LRP11: variants seen among roughly 807,000 people sequenced by gnomAD.
LRP11 encodes LDL receptor related protein 11.
LRP11 carries 25 observed loss-of-function variants against 43.1 expected under a neutral mutation model. That is an observed-to-expected ratio of 0.58 (90% confidence interval 0.42 to 0.81). The LOEUF is 0.81. LRP11 is among the 30% of genes least tolerant of loss of function. LRP11 has a pLI of 0.00. For missense variants in LRP11, 623 were observed against 665.1 expected (o/e 0.94, Z 0.70); for synonymous variants, 316 against 299.4 (o/e 1.06, Z -0.57).
At chr6:149,862,577 CTTTT>C (rs10553273) in intron 1 of LRP11, among the ~76,000 whole-genome samples, 2 of 126,200 alleles carry the variant, frequency 1.6e-5, no homozygotes, top group South Asian at 2.5e-4. Context: ...TTTTCTTTTC[CTTTT>C]TTTTTTTTTT....
In LRP11 at chr6:149,819,733, T is replaced by C. The variant is rs1261729669; in HGVS notation, c.*816A>G. 2.0e-5 allele frequency: 3 copies of C among 152,214 alleles called. No individual in the cohort carries two copies. The highest frequency in any genetic ancestry group is 4.4e-5 in the Non-Finnish European group (3 of 68,032). The allele number at this position is 152,214 out of a possible 1,614,324, so 9.4% of individuals were successfully genotyped here. A position where few individuals can be genotyped will look rare whatever the true frequency, so the allele number is the denominator to read the frequency against. ...TAAATGAGTTGCTGTGCTCTCACCA[T>C]GGAGCAGTGTTGATTTGATGTAATG... is the stretch of plus-strand genomic sequence containing the variant. On this transcript the variant is annotated 3_prime_UTR_variant, in exon 7 of 7. Transcript: ENST00000239367.
chr6:149,829,852 C>T (rs991378834), intron 5 of LRP11, among the ~76,000 whole-genome samples: 6 of 152,030 alleles, frequency 3.9e-5, no homozygotes, highest in Admixed American at 2.0e-4. Context: ...ATACACTTGG[C>T]GCTCTCTTAC....
In LRP11 at chr6:149,827,685, T is replaced by C. The variant is rs1418274380; in HGVS notation, c.1253-1326A>G. ...GATTTCCCTGCAAAAAGAGTTCTGT[T>C]ACTGTCCAACTCACTGCAGTAGCCA... On this transcript the variant is annotated intron_variant, in intron 5 of 6. Coordinates refer to ENST00000239367, the MANE Select transcript of LRP11 (RefSeq NM_032832.6). This position sits in a 1 kb window ranked among gnomAD's most constrained non-coding sequence, Gnocchi z 4.2. Among the ~76,000 whole-genome samples the C allele has an allele frequency of 6.6e-6, 1 of 152,222 alleles. No homozygotes were observed. Among genetic ancestry groups the C allele is most frequent in the Non-Finnish European group, 1.5e-5 (1 of 68,032 alleles).
chr6:149,837,427 CAGA>C lies in LRP11; in HGVS notation c.947_949del (p.Phe316del), dbSNP rs1251243676. ...GATGTCAATGCAGCAGCCATCGTCA[CAGA>C]AGAAGTGGTAGCGTGAGCAAGTGTG... On this transcript the variant is annotated inframe_deletion, in exon 4 of 7. Coordinates refer to ENST00000239367, the MANE Select transcript of LRP11 (RefSeq NM_032832.6). 3.1e-6 allele frequency: 5 copies of C among 1,614,160 alleles called. No individual in the cohort carries two copies. The highest frequency in any genetic ancestry group is 2.5e-6 in the Non-Finnish European group (3 of 1,180,024).
intron 2 of LRP11, among the ~76,000 whole-genome samples, chr6:149,843,468 T>G (rs1222447692): frequency 6.6e-6 from 1 of 152,044 alleles, no homozygotes; most frequent in African/African-American, 2.4e-5. Flanking sequence ...ATCAGGACCA[T>G]GACTAGGGCT....
In LRP11 at chr6:149,863,881, T is replaced by G; in HGVS notation, c.140A>C (p.Glu47Ala). ...AALPPAAPLS[E>A]LHAQLSGVEQ... is the part of the protein sequence containing the mutation. Reference sequence around the variant, plus strand: ...CACGCCCGACAGCTGCGCGTGCAGTTCGGACAGCGGCGCCGCGGGCGGCAA... The same window carrying G: ...CACGCCCGACAGCTGCGCGTGCAGTGCGGACAGCGGCGCCGCGGGCGGCAA... The change falls in exon 1 of 7, where the codon GAA (glutamate) becomes GCA (alanine). Residue 47 changes from glutamate to alanine, a missense_variant. Physicochemically the swap from Glu to Ala is moderately radical, Grantham distance 107. Coordinates refer to ENST00000239367, the MANE Select transcript of LRP11 (RefSeq NM_032832.6). The G allele has an allele frequency of 6.7e-7, 1 of 1,496,652 alleles. No individual in the cohort carries two copies. Among genetic ancestry groups the G allele is most frequent in the Non-Finnish European group, 8.8e-7 (1 of 1,131,392 alleles). 92.7% of individuals were successfully genotyped at this position (1,496,652 alleles called of 1,614,324 possible). A position where few individuals can be genotyped will look rare whatever the true frequency, so the allele number is the denominator to read the frequency against.
At chr6:149,830,872 C>T (rs1214133090) in intron 5 of LRP11, among the ~76,000 whole-genome samples, 2 of 152,222 alleles carry the variant, frequency 1.3e-5, no homozygotes, top group Non-Finnish European at 2.9e-5. Flanking sequence ...GAACCTGGCC[C>T]TGCCTTCTGG....
chr6:149,852,864 G>C, intron 2 of LRP11, 139 bp downstream of exon 2: 1 of 619,138 alleles, frequency 1.6e-6, no homozygotes, highest in Non-Finnish European at 2.5e-6. Flanking sequence ...AACCATTTTG[G>C]CATAATCAGT....
intron 2 of LRP11, among the ~76,000 whole-genome samples, chr6:149,850,004 G>C (rs941076878): frequency 1.3e-5 from 2 of 152,144 alleles, no homozygotes; most frequent in African/African-American, 4.8e-5. Context: ...GACAGCAAGG[G>C]TGAGGAGCCC....
chr6:149,854,256 G>C (rs923125359), intron 1 of LRP11, among the ~76,000 whole-genome samples: 59 of 152,134 alleles, frequency 3.9e-4, no homozygotes, highest in African/African-American at 1.4e-3. Flanking sequence ...GAGTAGTTAG[G>C]ACTGCAGGTG....
rs2115374417 is a variant in LRP11 at position 149,827,250 on chromosome 6, C to A, written c.1253-891G>T. Among the ~76,000 whole-genome samples, 1 of 152,182 alleles carries A rather than the reference C, an allele frequency of 6.6e-6. No individual in the cohort carries two copies. Among genetic ancestry groups the A allele is most frequent in the East Asian group, 1.9e-4 (1 of 5,186 alleles). ...GACAGGCGTGAGCCACCATGCCCAG[C>A]CTTAAGTGGGATTTTTGAGTATTAC... On this transcript the variant is annotated intron_variant, in intron 5 of 6. Coordinates refer to ENST00000239367, the MANE Select transcript of LRP11 (RefSeq NM_032832.6). This position sits in a 1 kb window ranked among gnomAD's most constrained non-coding sequence, Gnocchi z 4.2.
intron 2 of LRP11, among the ~76,000 whole-genome samples, chr6:149,843,547 G>A (rs1319022959): frequency 6.6e-6 from 1 of 152,140 alleles, no homozygotes; most frequent in East Asian, 1.9e-4. Flanking sequence ...CCAGCAGGGA[G>A]AAGCTGTCCC....
intron 1 of LRP11, among the ~76,000 whole-genome samples, chr6:149,858,214 G>A (rs971121502): frequency 2.6e-4 from 39 of 152,124 alleles, no homozygotes; most frequent in Admixed American, 2.4e-3. Context: ...CCCCCACCCC[G>A]ACAGGCCCTG....
At chr6:149,831,234 TC>T (rs1275803997) in intron 5 of LRP11, among the ~76,000 whole-genome samples, 2 of 152,224 alleles carry the variant, frequency 1.3e-5, no homozygotes, top group East Asian at 3.8e-4. Flanking sequence ...TCATTTCATT[TC>T]CAGCTGCCAT....
intron 1 of LRP11, among the ~76,000 whole-genome samples, chr6:149,859,394 A>ATTTTTTTTTT (rs1194880373): frequency 2.0e-4 from 15 of 73,848 alleles, no homozygotes; most frequent in African/African-American, 1.3e-3. Context: ...ATATATATAT[A>ATTTTTTTTTT]TATTTTTTTT....
intron 3 of LRP11, among the ~76,000 whole-genome samples, chr6:149,839,637 C>G (rs1776519351): frequency 6.6e-6 from 1 of 152,132 alleles, no homozygotes; most frequent in Non-Finnish European, 1.5e-5. Context: ...TATTGTTGAA[C>G]AGGCATCTCC....
In LRP11 at chr6:149,863,490, C is replaced by A; in HGVS notation, c.531G>T (p.Leu177=). 1 of 1,345,120 alleles carries A rather than the reference C, an allele frequency of 7.4e-7. No individual in the cohort carries two copies. Among genetic ancestry groups the A allele is most frequent in the Non-Finnish European group, 9.5e-7 (1 of 1,057,250 alleles). 83.3% of individuals were successfully genotyped at this position (1,345,120 alleles called of 1,614,324 possible). A position where few individuals can be genotyped will look rare whatever the true frequency, so the allele number is the denominator to read the frequency against. Residue 177 remains leucine, a synonymous_variant, in exon 1 of 7, where the codon CTG becomes CTT. Transcript: ENST00000239367. ...GGCTGTAGCTGCTGTAGCCGCTGTGCAGCGCGAACTTGCAGACGTTGCGGC... is the reference window on the plus strand; with the variant it reads ...GGCTGTAGCTGCTGTAGCCGCTGTGAAGCGCGAACTTGCAGACGTTGCGGC... ...ARGRNVCKFA[L]HSGYSSYSLS... is the part of the protein sequence containing the mutation.
At chr6:149,825,392 C>G (rs1776325311) in intron 6 of LRP11, among the ~76,000 whole-genome samples, 1 of 152,162 alleles carries the variant, frequency 6.6e-6, no homozygotes, top group South Asian at 2.1e-4. Flanking sequence ...CACTAGGGCA[C>G]TTGGAAAGAG....
intron 3 of LRP11, among the ~76,000 whole-genome samples, chr6:149,841,970 A>G (rs1397074235): frequency 6.6e-6 from 1 of 152,208 alleles, no homozygotes; most frequent in Non-Finnish European, 1.5e-5. Context: ...TGAATGAAAT[A>G]AGTTTTACAT....
Sources: allele counts gnomAD v4.1 joint callset (sites outside exome capture counted in the v4.1 genomes callset), GRCh38; gene constraint gnomAD v4.1.1; non-coding constraint Gnocchi (gnomAD v3.1); transcripts MANE v1.5; gene names NCBI Gene and HGNC (gene_info 2026-07-23, HGNC 2026-07-21).